The following SETBP1 variants were observed in gnomAD, a reference collection of about 807,000 sequenced individuals.
SETBP1 encodes SET-binding protein.
Under a neutral mutation model 101.0 loss-of-function variants are expected in SETBP1, and 9 were observed. The observed-to-expected ratio is 0.09, with a 90% CI of 0.05 to 0.16. SETBP1 has a LOEUF of 0.16. Ranked by LOEUF, SETBP1 falls within the 10% of genes least tolerant of loss-of-function variation. The pLI, the probability that SETBP1 is intolerant of heterozygous loss-of-function variation, is 1.00. For synonymous variants in SETBP1, 818 were observed against 788.5 expected (o/e 1.04, Z -0.63); for missense variants, 1,858 against 2,033.8 (o/e 0.91, Z 1.66).
At position 44,726,922 on chromosome 18, in the gene SETBP1, A is replaced by G. The variant is rs985511394; in HGVS notation, c.486+25090A>G. Among the ~76,000 whole-genome samples the G allele has an allele frequency of 3.9e-5, 6 of 152,304 alleles. No individual in the cohort carries two copies. In the South Asian group the frequency reaches 1.0e-3, roughly 26 times the overall value. ...AACTGGGGAGATAAATCCATTTGCC[A>G]TTGATCTTACCATCGTGAGGGTGGA... is the stretch of plus-strand genomic sequence containing the variant. On this transcript the variant is annotated intron_variant, in intron 2 of 5. Transcript: ENST00000649279.
intron 2 of SETBP1, among the ~76,000 whole-genome samples, chr18:44,708,205 C>T (rs941327982): frequency 6.6e-6 from 1 of 152,158 alleles, no homozygotes; most frequent in African/African-American, 2.4e-5. Flanking sequence ...GTTCAAGTGT[C>T]CTTCCCTTGC....
Position 44,949,994 on chromosome 18 carries a change from C to T in SETBP1, c.654C>T (p.Asn218=). 1.2e-6 allele frequency: 2 copies of T among 1,614,162 alleles called. No homozygotes were observed. Among genetic ancestry groups the T allele is most frequent in the Non-Finnish European group, 8.5e-7 (1 of 1,179,998 alleles). ...PKHQQKSSSQ[N]HMDWSTNSDS... ...ACCAGCAAAAAAGCAGCAGCCAGAA[C>T]CACATGGACTGGTCCACCAACTCTG... Residue 218 remains asparagine, a synonymous_variant, in exon 4 of 6, where the codon AAC becomes AAT. Coordinates refer to ENST00000649279, the MANE Select transcript of SETBP1 (RefSeq NM_015559.3).
intron 3 of SETBP1, among the ~76,000 whole-genome samples, chr18:44,910,395 C>A (rs1348553246): frequency 6.6e-6 from 1 of 152,196 alleles, no homozygotes; most frequent in East Asian, 1.9e-4. Flanking sequence ...GAAACCAAAT[C>A]TGGATTGACC....
chr18:44,680,593 G>A (rs1260365947), upstream of SETBP1, among the ~76,000 whole-genome samples: 2 of 152,184 alleles, frequency 1.3e-5, no homozygotes, highest in Non-Finnish European at 2.9e-5. Context: ...CGGTCCGGGC[G>A]AGGTTGCAGG....
intron 2 of SETBP1, among the ~76,000 whole-genome samples, chr18:44,759,558 T>C (rs2070591006): frequency 6.6e-6 from 1 of 152,190 alleles, no homozygotes; most frequent in Admixed American, 6.5e-5. Flanking sequence ...CCCTCCTCCA[T>C]CTTAGCCTTA....
intron 2 of SETBP1, among the ~76,000 whole-genome samples, chr18:44,792,013 T>C (rs1305529589): frequency 6.6e-6 from 1 of 152,180 alleles, no homozygotes; most frequent in Non-Finnish European, 1.5e-5. Context: ...AGTTTCGGGC[T>C]CATCATTTCA....
At chr18:44,953,706 A>G (rs1279897174) in intron 4 of SETBP1, among the ~76,000 whole-genome samples, 1 of 152,156 alleles carries the variant, frequency 6.6e-6, no homozygotes, top group East Asian at 1.9e-4. Context: ...CTCATTAGGA[A>G]TACTAATAAG....
chr18:44,714,223 G>A (rs761594719), intron 2 of SETBP1, among the ~76,000 whole-genome samples: 1 of 151,376 alleles, frequency 6.6e-6, no homozygotes, highest in Non-Finnish European at 1.5e-5. Flanking sequence ...TTTTGAGAAG[G>A]AGTCTTGCTC....
In SETBP1 at chr18:44,975,270, A is replaced by G. The variant is rs1382266126; in HGVS notation, c.4000+21930A>G. Among the ~76,000 whole-genome samples the G allele has an allele frequency of 2.6e-5, 4 of 152,330 alleles. No homozygotes were observed. In the East Asian group the frequency reaches 7.7e-4, roughly 29 times the overall value. On this transcript the variant is annotated intron_variant, in intron 4 of 5. Coordinates refer to ENST00000649279, the MANE Select transcript of SETBP1 (RefSeq NM_015559.3). ...GTTCTACTAGACGCAGGGCACTGTT[A>G]ACAGTCTTACTTGTGGGGAACATTC...
At chr18:44,948,845 T>C (rs573724890) in intron 3 of SETBP1, among the ~76,000 whole-genome samples, 2 of 152,352 alleles carry the variant, frequency 1.3e-5, no homozygotes, top group South Asian at 4.1e-4. Flanking sequence ...CTGATTATGT[T>C]GTGCCTCCAG....
chr18:44,948,499 T>TGATAGATAGATAGATAGATAGATA (rs11437850), intron 3 of SETBP1, among the ~76,000 whole-genome samples: 54 of 149,854 alleles, frequency 3.6e-4, no homozygotes, highest in Non-Finnish European at 5.2e-4. Context: ...CAAAGATAGA[T>TGATAGATAGATAGATAGATAGATA]GATAGATAGA....
chr18:44,762,288 C>T (rs913041864), intron 2 of SETBP1, among the ~76,000 whole-genome samples: 11 of 152,224 alleles, frequency 7.2e-5, no homozygotes, highest in Non-Finnish European at 1.6e-4. Context: ...TCCTTGACAG[C>T]AGCCTGTTCT....
chr18:44,974,235 G>T (rs961033785), intron 4 of SETBP1, among the ~76,000 whole-genome samples: 3 of 152,176 alleles, frequency 2.0e-5, no homozygotes, highest in Non-Finnish European at 4.4e-5. Flanking sequence ...CCACATTTAA[G>T]TGGCATTGCT....
intron 3 of SETBP1, among the ~76,000 whole-genome samples, chr18:44,920,074 A>G (rs2070545115): frequency 6.6e-6 from 1 of 152,198 alleles, no homozygotes; most frequent in African/African-American, 2.4e-5. Context: ...TTTATTTCTC[A>G]TAGTTCTTCA....
At chr18:44,760,092 G>C (rs181496494) in intron 2 of SETBP1, among the ~76,000 whole-genome samples, 106 of 152,254 alleles carry the variant, frequency 7.0e-4, no homozygotes, top group African/African-American at 2.5e-3. Context: ...ACAGTACTAG[G>C]GTAATACATG....
rs1568233823 is a variant in SETBP1, at chr18:44,950,364, G to A, written c.1024G>A (p.Val342Met). 1.2e-5 allele frequency: 19 copies of A among 1,614,112 alleles called. No homozygotes were observed. The highest frequency in any genetic ancestry group is 1.6e-5 in the Non-Finnish European group (19 of 1,180,048). Residue 342 changes from valine to methionine, a missense_variant, in exon 4 of 6, where the codon GTG becomes ATG. Val to Met is a conservative substitution (Grantham distance 21). Coordinates refer to ENST00000649279, the MANE Select transcript of SETBP1 (RefSeq NM_015559.3). ...GSKKKSSKKD[V>M]ISQTIPNPDL... ...CAAGAAAAAGTCCAGTAAAAAAGATGTGATAAGTCAGACCATACCAAACCC... is the reference window on the plus strand; with the variant it reads ...CAAGAAAAAGTCCAGTAAAAAAGATATGATAAGTCAGACCATACCAAACCC...
chr18:45,020,302 T>C, intron 4 of SETBP1, among the ~76,000 whole-genome samples: 1 of 127,228 alleles, frequency 7.9e-6, no homozygotes. Context: ...AAAAGTGGCT[T>C]CTCCTCGAAG....
intron 2 of SETBP1, among the ~76,000 whole-genome samples, chr18:44,759,361 G>A (rs1345754673): frequency 3.9e-5 from 6 of 152,130 alleles, no homozygotes; most frequent in Non-Finnish European, 7.3e-5. Context: ...AAGGTGATAC[G>A]TTCAACATGT....
chr18:45,046,004 C>T (rs2073604950), intron 5 of SETBP1, among the ~76,000 whole-genome samples: 1 of 152,056 alleles, frequency 6.6e-6, no homozygotes, highest in Non-Finnish European at 1.5e-5. Context: ...CCCTGACACT[C>T]ATATTGAGAA....
Sources: allele counts gnomAD v4.1 joint callset (sites outside exome capture counted in the v4.1 genomes callset), GRCh38; gene constraint gnomAD v4.1.1; transcripts MANE v1.5; gene names NCBI Gene and HGNC (gene_info 2026-07-23, HGNC 2026-07-21).